CLDN16: variants seen among roughly 807,000 people sequenced by gnomAD.
CLDN16 encodes claudin 16, also known as claudin-16.
In CLDN16, 13 loss-of-function variants were observed where a neutral mutation model predicts 24.6. The ratio of observed to expected loss-of-function variants is 0.53; its 90% CI spans 0.34 to 0.84. CLDN16 has a LOEUF of 0.84. Ranked by LOEUF, CLDN16 falls within the 40% of genes least tolerant of loss-of-function variation. The probability of loss-of-function intolerance (pLI) is 0.01; values close to 1 mark genes in which losing one functional copy is unlikely to be tolerated. For missense variants in CLDN16, 298 were observed against 292.7 expected (o/e 1.02, Z -0.13); for synonymous variants, 116 against 106.7 (o/e 1.09, Z -0.54).
At chr3:190,384,627 A>G (rs1366584983), upstream of CLDN16, among the ~76,000 whole-genome samples, 1 of 152,150 alleles carries the variant, frequency 6.6e-6, no homozygotes, top group African/African-American at 2.4e-5. Context: ...TGGAGCTGCA[A>G]AGATGATTAG....
the CLDN16 span, chr3:190,308,201 G>T: frequency 1.3e-6 from 2 of 1,539,220 alleles, no homozygotes; most frequent in East Asian, 2.3e-5. Context: ...AAATTCTAAG[G>T]TCCTAATGTT....
intron 1 of CLDN16, among the ~76,000 whole-genome samples, chr3:190,340,640 G>T (rs1052101168): frequency 6.6e-6 from 1 of 152,030 alleles, no homozygotes; most frequent in Non-Finnish European, 1.5e-5. Context: ...TGCCCCTAGC[G>T]ACTCCTAATC....
At chr3:190,326,928 G>T (rs1229562097) in intron 1 of CLDN16, among the ~76,000 whole-genome samples, 1 of 152,140 alleles carries the variant, frequency 6.6e-6, no homozygotes, top group Non-Finnish European at 1.5e-5. Context: ...CAACTGATTT[G>T]AACAAGAATC....
At chr3:190,328,873 G>A (rs930813061) in intron 1 of CLDN16, among the ~76,000 whole-genome samples, 1 of 152,062 alleles carries the variant, frequency 6.6e-6, no homozygotes, top group African/African-American at 2.4e-5. Flanking sequence ...GTAATCAAAC[G>A]AGATGGCAAT....
At chr3:190,301,866 C>A in the CLDN16 span, among the ~76,000 whole-genome samples, 1 of 152,176 alleles carries the variant, frequency 6.6e-6, no homozygotes, top group African/African-American at 2.4e-5. Flanking sequence ...TTTTTCAACA[C>A]AACAGGAAGA....
chr3:190,337,497 T>C (rs1717337695), intron 1 of CLDN16, among the ~76,000 whole-genome samples: 1 of 152,200 alleles, frequency 6.6e-6, no homozygotes, highest in Non-Finnish European at 1.5e-5. Context: ...CATGGCAGCA[T>C]AGATGGAGAC....
intron 1 of CLDN16, among the ~76,000 whole-genome samples, chr3:190,359,877 G>C (rs1717849147): frequency 1.3e-5 from 2 of 151,958 alleles, no homozygotes; most frequent in African/African-American, 4.8e-5. Context: ...TAGAACTTGT[G>C]GCCTAAAAGG....
chr3:190,385,769 A>G (rs1028219055), upstream of CLDN16, among the ~76,000 whole-genome samples: 3 of 152,206 alleles, frequency 2.0e-5, no homozygotes, highest in Non-Finnish European at 4.4e-5. Context: ...CCTCTTTTCT[A>G]AAACTTTGTC....
In CLDN16 at chr3:190,412,042, T is replaced by C. The variant is rs1026836380; in HGVS notation, c.*2006T>C. 1.3e-5 allele frequency: 2 copies of C among 152,144 alleles called. No individual in the cohort carries two copies. The highest frequency in any genetic ancestry group is 4.8e-5 in the African/African-American group (2 of 41,454). The allele number at this position is 152,144 out of a possible 1,614,324, so 9.4% of individuals were successfully genotyped here. On this transcript the variant is annotated 3_prime_UTR_variant, in exon 5 of 5. Transcript: ENST00000264734. ...AATGTAATTTTTCCATTTTAAATAT[T>C]TCATTTGTATAAGAAAATATTTCAG...
chr3:190,296,735 G>A, the CLDN16 span, among the ~76,000 whole-genome samples: 1 of 151,878 alleles, frequency 6.6e-6, no homozygotes, highest in Non-Finnish European at 1.5e-5. Flanking sequence ...ATTTTTAGTA[G>A]AGGTGGGGGT....
chr3:190,359,973 C>T (rs185936473), intron 1 of CLDN16, among the ~76,000 whole-genome samples: 1 of 151,948 alleles, frequency 6.6e-6, no homozygotes, highest in African/African-American at 2.4e-5. Flanking sequence ...CAAGATGACA[C>T]TCTGGCTAGG....
At chr3:190,324,544 T>G (rs1048466989) in intron 1 of CLDN16, among the ~76,000 whole-genome samples, 1 of 152,122 alleles carries the variant, frequency 6.6e-6, no homozygotes, top group Non-Finnish European at 1.5e-5. Context: ...AGTAAATATA[T>G]TTGTGCACAG....
intron 1 of CLDN16, among the ~76,000 whole-genome samples, chr3:190,357,263 G>A (rs889737563): frequency 4.0e-5 from 6 of 151,752 alleles, no homozygotes; most frequent in African/African-American, 1.5e-4. Flanking sequence ...TGCAGATCTG[G>A]GATCAGAAAA....
At chr3:190,330,203 G>A (rs941923424) in intron 1 of CLDN16, among the ~76,000 whole-genome samples, 39 of 152,122 alleles carry the variant, frequency 2.6e-4, no homozygotes, top group African/African-American at 9.2e-4. Context: ...TGAGATTCTA[G>A]AGGCAGAAAC....
chr3:190,322,096 G>T (rs144861219), upstream of CLDN16: 4 of 1,614,184 alleles, frequency 2.5e-6, no homozygotes, highest in African/African-American at 4.0e-5. Context: ...CGATGTTGTC[G>T]CCGGCATAGG....
At chr3:190,303,604 T>C in the CLDN16 span, among the ~76,000 whole-genome samples, 5 of 152,078 alleles carry the variant, frequency 3.3e-5, no homozygotes, top group Non-Finnish European at 7.4e-5. Context: ...CAATTAAAAA[T>C]AAATGAAGCA....
chr3:190,375,340 C>A (rs1229773502), intron 3 of CLDN16, among the ~76,000 whole-genome samples: 1 of 151,926 alleles, frequency 6.6e-6, no homozygotes, highest in Non-Finnish European at 1.5e-5. Flanking sequence ...AGCCTCTAGG[C>A]TCTTTGGAAT....
At chr3:190,348,796 C>A (rs1717609875) in intron 1 of CLDN16, among the ~76,000 whole-genome samples, 1 of 152,100 alleles carries the variant, frequency 6.6e-6, no homozygotes, top group Admixed American at 6.5e-5. Flanking sequence ...AGTTATTTTT[C>A]CTGATCCTCT....
upstream of CLDN16, chr3:190,322,045 G>A: frequency 6.2e-7 from 1 of 1,614,238 alleles, no homozygotes; most frequent in South Asian, 1.1e-5. Context: ...TCTGCGACAC[G>A]CAGGACATCC....
Sources: allele counts gnomAD v4.1 joint callset (sites outside exome capture counted in the v4.1 genomes callset), GRCh38; gene constraint gnomAD v4.1.1; transcripts MANE v1.5; gene names NCBI Gene and HGNC (gene_info 2026-07-23, HGNC 2026-07-21).